Variants in FBXO31 observed in about 807,000 individuals in gnomAD.
FBXO31 encodes F-box protein 31, also known as F-box only protein 31.
Under a neutral mutation model 54.4 loss-of-function variants are expected in FBXO31, and 24 were observed. That is an observed-to-expected ratio of 0.44 (90% CI 0.32 to 0.62). FBXO31 has a LOEUF of 0.62. Among genes scored for constraint, FBXO31 ranks in the 20% least tolerant of loss-of-function variants. FBXO31 has a pLI of 0.05. For missense variants in FBXO31, 665 were observed against 787.1 expected, an observed-to-expected ratio of 0.84 and a Z score of 1.86; for synonymous variants, 388 against 335.6, an observed-to-expected ratio of 1.16 and a Z score of -1.71.
intron 1 of FBXO31, chr16:87,368,078 G>A (rs1906444137): frequency 6.6e-6 from 1 of 152,202 alleles, no homozygotes; most frequent in Non-Finnish European, 1.5e-5. Flanking sequence ...ACCAGCAAAT[G>A]TATTGCTAAT....
chr16:87,375,290 G>C (rs1301365421), intron 1 of FBXO31, among the ~76,000 whole-genome samples: 1 of 152,114 alleles, frequency 6.6e-6, no homozygotes, highest in African/African-American at 2.4e-5. Context: ...CTGGGTGACA[G>C]AGCGAGACGC....
At chr16:87,377,939 C>A (rs1251077341) in intron 1 of FBXO31, among the ~76,000 whole-genome samples, 1 of 152,004 alleles carries the variant, frequency 6.6e-6, no homozygotes, top group Non-Finnish European at 1.5e-5. Context: ...AGGCGGATCA[C>A]CTGAGGTTGG....
At chr16:87,382,741 T>A (rs927772702) in intron 1 of FBXO31, among the ~76,000 whole-genome samples, 1 of 152,212 alleles carries the variant, frequency 6.6e-6, no homozygotes, top group Non-Finnish European at 1.5e-5. Context: ...CAAGCCATTC[T>A]TCTGCCTCAC....
chr16:87,371,970 T>C (rs1406178140), intron 1 of FBXO31, among the ~76,000 whole-genome samples: 2 of 152,058 alleles, frequency 1.3e-5, no homozygotes, highest in Admixed American at 1.3e-4. Flanking sequence ...ATGTATGTAA[T>C]CCCAGCACTT....
intron 8 of FBXO31, among the ~76,000 whole-genome samples, chr16:87,331,751 C>CA (rs1252168256): frequency 6.6e-6 from 1 of 152,224 alleles, no homozygotes; most frequent in Non-Finnish European, 1.5e-5. Flanking sequence ...ACGCAGAGGC[C>CA]AGAGCTCGGG....
upstream of FBXO31, among the ~76,000 whole-genome samples, chr16:87,390,185 G>A (rs1907474478): frequency 6.6e-6 from 1 of 152,078 alleles, no homozygotes; most frequent in African/African-American, 2.4e-5. Flanking sequence ...GGAGGCTGAG[G>A]CAGGAGAATC....
chr16:87,328,562 G>A lies in FBXO31; in HGVS notation c.*2726C>T, dbSNP rs958592339. ...CCAATACCACCTGCCTTGAATCTCA[G>A]CCTGCAGAAGTCGTTTGCAACTTCC... is the stretch of plus-strand genomic sequence containing the variant. On this transcript the variant is annotated 3_prime_UTR_variant, in exon 9 of 9. Transcript: ENST00000311635. The A allele has an allele frequency of 9.2e-5, 14 of 152,294 alleles. No individual in the cohort carries two copies. The highest frequency in any genetic ancestry group is 3.4e-4 in the African/African-American group (14 of 41,474). The allele number at this position is 152,294 out of a possible 1,614,324, so 9.4% of individuals were successfully genotyped here. A position where few individuals can be genotyped will look rare whatever the true frequency, so the allele number is the denominator to read the frequency against.
Position 87,336,077 on chromosome 16 carries a change from G to T in FBXO31, c.842+78C>A. 1 of 1,246,304 alleles carries T rather than the reference G, an allele frequency of 8.0e-7. No individual in the cohort carries two copies. The highest frequency in any genetic ancestry group is 1.2e-6 in the Non-Finnish European group (1 of 865,184). The allele number at this position is 1,246,304 out of a possible 1,614,324, so 77.2% of individuals were successfully genotyped here. On this transcript the variant is annotated intron_variant, in intron 6 of 8. Coordinates refer to ENST00000311635, the MANE Select transcript of FBXO31 (RefSeq NM_024735.5). The surrounding 1 kb of genome is among the most constrained non-coding windows in gnomAD (Gnocchi z 6.5). ...CACTGAGACAAAGGACTATGCCCCA[G>T]CACCCACCGGGACAGGGCTGGTCCC... is the stretch of plus-strand genomic sequence containing the variant.
chr16:87,382,155 T>A (rs942632143), intron 1 of FBXO31, among the ~76,000 whole-genome samples: 2 of 151,798 alleles, frequency 1.3e-5, no homozygotes, highest in Non-Finnish European at 2.9e-5. Context: ...ATGGAAAAAA[T>A]GCAGACTTCA....
Position 87,349,585 on chromosome 16 carries a change from C to G in FBXO31, c.413-2335G>C, listed in dbSNP as rs546331582. Reference sequence around the variant, plus strand: ...AATTAGCCAGGCATAGTGGCAAGTGCCTGTAATCCCAGCTACTCGGGAGGC... The same window carrying G: ...AATTAGCCAGGCATAGTGGCAAGTGGCTGTAATCCCAGCTACTCGGGAGGC... On this transcript the variant is annotated intron_variant, in intron 2 of 8. Transcript: ENST00000311635. Among the ~76,000 whole-genome samples, 168 of 152,270 alleles carry G rather than the reference C, an allele frequency of 1.1e-3. 1 individual carries two copies. Among genetic ancestry groups the G allele is most frequent in the African/African-American group, 3.8e-3 (158 of 41,540 alleles).
intron 7 of FBXO31, 62 bp from the exon 8 acceptor site, chr16:87,334,348 G>C: frequency 1.4e-6 from 2 of 1,466,168 alleles, no homozygotes; most frequent in Non-Finnish European, 1.8e-6. Context: ...CCACTGTGTG[G>C]GCTCCAGCCC....
chr16:87,380,037 C>T (rs920541700), intron 1 of FBXO31, among the ~76,000 whole-genome samples: 3 of 146,604 alleles, frequency 2.0e-5, no homozygotes, highest in East Asian at 4.2e-4. Flanking sequence ...CGGTGGCTCA[C>T]GCCTGTAATC....
intron 1 of FBXO31, among the ~76,000 whole-genome samples, chr16:87,382,740 C>T (rs1426004779): frequency 6.6e-6 from 1 of 152,216 alleles, no homozygotes; most frequent in African/African-American, 2.4e-5. Flanking sequence ...TCAAGCCATT[C>T]TTCTGCCTCA....
chr16:87,365,449 T>C (rs555282829), intron 1 of FBXO31, among the ~76,000 whole-genome samples: 71 of 152,350 alleles, frequency 4.7e-4, no homozygotes, highest in African/African-American at 1.6e-3. Flanking sequence ...CGTTTTGACA[T>C]GTGATGCTCA....
At chr16:87,373,073 T>A (rs1278022385) in intron 1 of FBXO31, among the ~76,000 whole-genome samples, 1 of 147,454 alleles carries the variant, frequency 6.8e-6, no homozygotes, top group African/African-American at 2.5e-5. Context: ...CCCAGGCTGG[T>A]CTCCAACTCC....
At chr16:87,348,594 G>C (rs955243303) in intron 2 of FBXO31, among the ~76,000 whole-genome samples, 2 of 152,154 alleles carry the variant, frequency 1.3e-5, no homozygotes, top group Non-Finnish European at 2.9e-5. Flanking sequence ...AGGGTGCTTT[G>C]TGGACACCTC....
intron 1 of FBXO31, among the ~76,000 whole-genome samples, chr16:87,377,914 T>C (rs767891026): frequency 6.6e-6 from 1 of 151,716 alleles, no homozygotes; most frequent in Non-Finnish European, 1.5e-5. Flanking sequence ...TCCCAGCACT[T>C]TGGGAGCCCG....
In FBXO31 at chr16:87,379,772, G is replaced by C. The variant is rs146855533; in HGVS notation, c.340+3633C>G. 6.7e-3 allele frequency among the ~76,000 whole-genome samples: 1,020 copies of C among 151,952 alleles called. 9 individuals carry two copies. The highest frequency in any genetic ancestry group is 0.027 in the South Asian group (130 of 4,782). ...CCAGCTAATTTTTGAATTTTTAGTAGAGACGGGGTTTCACCATGTCGGCCA... is the reference window on the plus strand; with the variant it reads ...CCAGCTAATTTTTGAATTTTTAGTACAGACGGGGTTTCACCATGTCGGCCA... On this transcript the variant is annotated intron_variant, in intron 1 of 8. Coordinates refer to ENST00000311635, the MANE Select transcript of FBXO31 (RefSeq NM_024735.5).
At position 87,335,093 on chromosome 16, in the gene FBXO31, C is replaced by A. The variant is rs951194212; in HGVS notation, c.996+211G>T. Reference sequence around the variant, plus strand: ...AGGCCACCTTGGAAGCACACAGACTCCCTGAGGGTCTCGTGGAAATGCAAT... The same window carrying A: ...AGGCCACCTTGGAAGCACACAGACTACCTGAGGGTCTCGTGGAAATGCAAT... On this transcript the variant is annotated intron_variant, in intron 7 of 8. Transcript: ENST00000311635. The surrounding 1 kb of genome is among the most constrained non-coding windows in gnomAD (Gnocchi z 5.7). Among the ~76,000 whole-genome samples, 9 of 152,186 alleles carry A rather than the reference C, an allele frequency of 5.9e-5. No homozygotes were observed. The highest frequency in any genetic ancestry group is 3.3e-4 in the Admixed American group (5 of 15,286).
Sources: gnomAD v4.1 joint callset for allele counts (sites outside exome capture counted in the v4.1 genomes callset) on GRCh38, gnomAD v4.1.1 for gene constraint, Gnocchi (gnomAD v3.1) non-coding constraint, MANE v1.5 for transcripts, NCBI Gene and HGNC (gene_info 2026-07-23, HGNC 2026-07-21) for gene names.